Variants in PHTF2 observed in about 807,000 individuals in gnomAD.
PHTF2 encodes protein PHTF2.
PHTF2 carries 60 observed loss-of-function variants against 101.2 expected under a neutral mutation model. That is an observed-to-expected ratio of 0.59 (90% confidence interval 0.48 to 0.73). The LOEUF (loss-of-function observed/expected upper bound fraction) is 0.73. PHTF2 is among the 30% of genes least tolerant of loss of function. The pLI is 0.00. For synonymous variants in PHTF2, 311 were observed against 307.3 expected, an observed-to-expected ratio of 1.01 and a Z score of -0.13; for missense variants, 747 against 908.7, an observed-to-expected ratio of 0.82 and a Z score of 2.29.
chr7:77,855,002 G>A (rs776744258), intron 3 of PHTF2, among the ~76,000 whole-genome samples: 1 of 152,210 alleles, frequency 6.6e-6, no homozygotes, highest in Non-Finnish European at 1.5e-5. Context: ...GCTGCAAGAC[G>A]AAGTCCCCCT....
intron 3 of PHTF2, among the ~76,000 whole-genome samples, chr7:77,888,705 G>A (rs1038012625): frequency 6.6e-6 from 1 of 152,024 alleles, no homozygotes; most frequent in African/African-American, 2.4e-5. Flanking sequence ...TTTTCTTCCT[G>A]AGTTTTCTTT....
At chr7:77,816,182 C>G (rs1793839746) in intron 1 of PHTF2, among the ~76,000 whole-genome samples, 1 of 151,972 alleles carries the variant, frequency 6.6e-6, no homozygotes, top group African/African-American at 2.4e-5. Flanking sequence ...TCAAGTGATT[C>G]TCGTGCCTCA....
chr7:77,817,420 G>A (rs1226968524), intron 1 of PHTF2, among the ~76,000 whole-genome samples: 5 of 152,166 alleles, frequency 3.3e-5, no homozygotes, highest in Non-Finnish European at 7.3e-5. Flanking sequence ...TGGCTGGGGA[G>A]GCATCAGGAA....
At chr7:77,843,907 A>G (rs984603677) in intron 2 of PHTF2, among the ~76,000 whole-genome samples, 8 of 152,226 alleles carry the variant, frequency 5.3e-5, no homozygotes, top group East Asian at 1.9e-4. Flanking sequence ...CTATCATTCA[A>G]TAGTATCCAG....
chr7:77,853,637 G>A (rs759840743), intron 2 of PHTF2, among the ~76,000 whole-genome samples: 1 of 151,862 alleles, frequency 6.6e-6, no homozygotes, highest in South Asian at 2.1e-4. Flanking sequence ...CAAGCAATTC[G>A]CCTACCTCGG....
chr7:77,864,036 T>C (rs1797862756), intron 3 of PHTF2, among the ~76,000 whole-genome samples: 1 of 152,154 alleles, frequency 6.6e-6, no homozygotes, highest in Admixed American at 6.5e-5. Context: ...AGCCTCTGCC[T>C]CCTAGAGTGT....
Position 77,852,032 on chromosome 7 carries a change from T to C in PHTF2, c.46-2701T>C, listed in dbSNP as rs184828449. Among the ~76,000 whole-genome samples, 351 of 152,154 alleles carry C rather than the reference T, an allele frequency of 2.3e-3. 1 individual carries two copies. Among genetic ancestry groups the C allele is most frequent in the African/African-American group, 6.4e-3 (266 of 41,504 alleles). On this transcript the variant is annotated intron_variant, in intron 2 of 19. Transcript: ENST00000416283. ...GTTTGTGTAGTTTCCAAAGGTTTTT[T>C]TGTGTGTGTGTGTGAGATAGCCTTG...
At chr7:77,920,413 G>T in exon 10 of PHTF2, 1 of 1,613,522 alleles carries the variant, frequency 6.2e-7, no homozygotes, top group Non-Finnish European at 8.5e-7. Flanking sequence ...GAAACTATTC[G>T]ACCAGAAGAG....
At chr7:77,923,560 G>C in intron 11 of PHTF2, 1 of 985,416 alleles carries the variant, frequency 1.0e-6, no homozygotes, top group African/African-American at 1.7e-5. Flanking sequence ...TGTGTCTCTG[G>C]TTAATCTTTC....
At chr7:77,884,793 G>A (rs1294074567) in intron 3 of PHTF2, among the ~76,000 whole-genome samples, 1 of 152,164 alleles carries the variant, frequency 6.6e-6, no homozygotes, top group Non-Finnish European at 1.5e-5. Flanking sequence ...CAGTTACTCG[G>A]GAGGCTGAGG....
At chr7:77,852,301 G>A (rs1158543101) in intron 2 of PHTF2, among the ~76,000 whole-genome samples, 3 of 152,190 alleles carry the variant, frequency 2.0e-5, no homozygotes, top group Non-Finnish European at 4.4e-5. Flanking sequence ...AGACCAGCCT[G>A]GCCAACATGG....
chr7:77,844,505 A>G (rs1169476208), intron 2 of PHTF2, among the ~76,000 whole-genome samples: 1 of 152,164 alleles, frequency 6.6e-6, no homozygotes, highest in African/African-American at 2.4e-5. Flanking sequence ...ATTATCAAGT[A>G]TTTTTGAATA....
At chr7:77,932,493 C>A (rs983033507) in intron 12 of PHTF2, among the ~76,000 whole-genome samples, 5 of 151,738 alleles carry the variant, frequency 3.3e-5, no homozygotes, top group African/African-American at 4.8e-5. Context: ...CGAGATGATA[C>A]AAGAGGAGGC....
intron 1 of PHTF2, among the ~76,000 whole-genome samples, chr7:77,826,697 T>A (rs1794718339): frequency 6.6e-6 from 1 of 152,212 alleles, no homozygotes; most frequent in Admixed American, 6.5e-5. Flanking sequence ...TTAGGAAAGG[T>A]CTTTATTTTG....
At chr7:77,919,567 G>A (rs1421425882) in intron 9 of PHTF2, among the ~76,000 whole-genome samples, 5 of 151,946 alleles carry the variant, frequency 3.3e-5, no homozygotes, top group Admixed American at 3.3e-4. Flanking sequence ...TCAAGTGTTT[G>A]CCTGTTAGTA....
intron 12 of PHTF2, among the ~76,000 whole-genome samples, chr7:77,933,074 T>C (rs1804756805): frequency 2.6e-5 from 4 of 151,898 alleles, no homozygotes; most frequent in Admixed American, 2.6e-4. Context: ...CCATCTCTAC[T>C]AAAAATACAA....
chr7:77,925,510 T>G (rs1407894823), intron 11 of PHTF2, among the ~76,000 whole-genome samples: 2 of 136,616 alleles, frequency 1.5e-5, no homozygotes, highest in African/African-American at 2.8e-5. Context: ...TTTTTTTTTT[T>G]TTTTTTTTTT....
At chr7:77,954,237 A>G (rs1806788821) in intron 19 of PHTF2, among the ~76,000 whole-genome samples, 1 of 151,544 alleles carries the variant, frequency 6.6e-6, no homozygotes, top group African/African-American at 2.4e-5. Context: ...GGGTTCAAGG[A>G]TTTCTCCTGC....
At chr7:77,823,777 A>G (rs944670397) in intron 1 of PHTF2, among the ~76,000 whole-genome samples, 1 of 152,238 alleles carries the variant, frequency 6.6e-6, no homozygotes, top group Non-Finnish European at 1.5e-5. Flanking sequence ...GAGGGCGGGT[A>G]ATTGAAACTG....
Sources: gnomAD v4.1 joint callset for allele counts (sites outside exome capture counted in the v4.1 genomes callset) on GRCh38, gnomAD v4.1.1 for gene constraint, MANE v1.5 for transcripts, NCBI Gene and HGNC (gene_info 2026-07-23, HGNC 2026-07-21) for gene names.